Variants in CDK15 observed in about 807,000 individuals in gnomAD.
The protein encoded by CDK15 is cyclin dependent kinase 15.
CDK15 carries 62 observed loss-of-function variants against 60.3 expected under a neutral mutation model. The ratio of observed to expected loss-of-function variants is 1.03; its 90% CI spans 0.84 to 1.27. CDK15 has a LOEUF of 1.27. Ranked by LOEUF, CDK15 falls within the 50% of genes most tolerant of loss-of-function variation. The pLI is 0.00. For synonymous variants in CDK15, 194 were observed against 195.7 expected, an observed-to-expected ratio of 0.99 and a Z score of 0.07; for missense variants, 541 against 527.8, an observed-to-expected ratio of 1.03 and a Z score of -0.25.
chr2:201,813,586 T>C (rs1695866569), intron 4 of CDK15, among the ~76,000 whole-genome samples: 1 of 152,208 alleles, frequency 6.6e-6, no homozygotes, highest in Admixed American at 6.5e-5. Flanking sequence ...CTTTGTTCTA[T>C]CATTTGCAGT....
intron 4 of CDK15, among the ~76,000 whole-genome samples, chr2:201,818,392 G>C (rs56023043): frequency 0.078 from 11,810 of 152,210 alleles, 800 homozygotes; most frequent in African/African-American, 0.18. Flanking sequence ...TAAAAAAACA[G>C]TATTTTATGA....
chr2:201,806,823 T>C (rs377760843), intron 1 of CDK15, 36 bp downstream of exon 1: 191 of 1,594,700 alleles, frequency 1.2e-4, no homozygotes, highest in Non-Finnish European at 1.5e-4. Context: ...CTTTCTCTAT[T>C]GATAAACCAA....
At chr2:201,807,683 T>C in intron 2 of CDK15, 40 bp downstream of exon 2, 1 of 1,611,648 alleles carries the variant, frequency 6.2e-7, no homozygotes, top group Non-Finnish European at 8.5e-7. Context: ...GAATTTAATG[T>C]GAGCTTGTCT....
chr2:201,888,714 G>GTCTC, intron 12 of CDK15: 11 of 1,265,262 alleles, frequency 8.7e-6, no homozygotes, highest in Non-Finnish European at 1.1e-5. Context: ...GCCAGATAGT[G>GTCTC]TCTCTCTCTC....
chr2:201,819,064 A>G (rs929379744), intron 4 of CDK15, among the ~76,000 whole-genome samples: 1 of 152,194 alleles, frequency 6.6e-6, no homozygotes, highest in African/African-American at 2.4e-5. Context: ...ATAAAATGTC[A>G]GATGGTGGTG....
chr2:201,816,298 T>A (rs1289343622), intron 4 of CDK15, among the ~76,000 whole-genome samples: 1 of 152,006 alleles, frequency 6.6e-6, no homozygotes, highest in African/African-American at 2.4e-5. Flanking sequence ...CCTGGTGTAG[T>A]GTCTATTATT....
intron 11 of CDK15, among the ~76,000 whole-genome samples, chr2:201,878,103 T>C (rs918584290): frequency 3.9e-5 from 6 of 152,240 alleles, no homozygotes; most frequent in Admixed American, 2.6e-4. Context: ...TAATTCTGAA[T>C]GTCAGACATC....
At chr2:201,828,167 C>T (rs543647259) in intron 6 of CDK15, among the ~76,000 whole-genome samples, 18 of 152,242 alleles carry the variant, frequency 1.2e-4, no homozygotes, top group Middle Eastern at 3.4e-3. Flanking sequence ...CTGTTTCAGA[C>T]GTGTTGAGGT....
chr2:201,812,173 C>CA (rs56808760), intron 3 of CDK15, among the ~76,000 whole-genome samples: 5,219 of 96,470 alleles, frequency 0.054, 155 homozygotes, highest in Non-Finnish European at 0.077. Context: ...GATTCTGTCT[C>CA]AAAAAAAAAA....
At chr2:201,883,419 T>C (rs1221948340) in intron 12 of CDK15, among the ~76,000 whole-genome samples, 1 of 152,222 alleles carries the variant, frequency 6.6e-6, no homozygotes, top group Non-Finnish European at 1.5e-5. Flanking sequence ...TCTATTTTCA[T>C]GACGCTGAGA....
At chr2:201,835,954 A>T (rs181767776) in intron 8 of CDK15, among the ~76,000 whole-genome samples, 191 bp downstream of exon 8, 22,945 of 114,942 alleles carry the variant, frequency 0.2, 2,427 homozygotes, top group East Asian at 0.43. Context: ...ATTTATATAT[A>T]TTTGTATATA....
chr2:201,821,195 C>A (rs1033185617), intron 4 of CDK15, among the ~76,000 whole-genome samples: 5 of 152,088 alleles, frequency 3.3e-5, no homozygotes, highest in Admixed American at 3.3e-4. Context: ...TCTAATGGCA[C>A]CAGCAAAACA....
At position 201,857,088 on chromosome 2, in the gene CDK15, C is replaced by T. The variant is rs374747341; in HGVS notation, c.1009+2151C>T. ...AATACAAAAAAAAATTAGCCGGGCG[C>T]GGTGGCGGGCGCCTGTAGTCCCAGC... is the stretch of plus-strand genomic sequence containing the variant. On this transcript the variant is annotated intron_variant, in intron 10 of 13. Transcript: ENST00000652192. 7.4e-5 allele frequency among the ~76,000 whole-genome samples: 6 copies of T among 80,660 alleles called. 1 individual carries two copies. Among genetic ancestry groups the T allele is most frequent in the Non-Finnish European group, 1.1e-4 (5 of 45,034 alleles). The allele number at this position is 80,660 out of a possible 152,430, so 52.9% of individuals were successfully genotyped here.
intron 6 of CDK15, among the ~76,000 whole-genome samples, chr2:201,825,182 C>T (rs1206810642): frequency 5.3e-5 from 8 of 151,722 alleles, no homozygotes; most frequent in African/African-American, 7.3e-5. Flanking sequence ...GGTGTGGTGG[C>T]GCACACCTGT....
At chr2:201,889,459 G>A in intron 12 of CDK15, 2 of 960,634 alleles carry the variant, frequency 2.1e-6, no homozygotes, top group Non-Finnish European at 2.5e-6. Context: ...CTAACACAAG[G>A]TGTTTTGCAT....
At chr2:201,840,652 T>C (rs190657250) in intron 8 of CDK15, among the ~76,000 whole-genome samples, 2 of 152,348 alleles carry the variant, frequency 1.3e-5, no homozygotes, top group South Asian at 2.1e-4. Context: ...GGTGGTTTTG[T>C]TGGGGATGTG....
rs1262940691 is a variant in CDK15, at chr2:201,865,889, C to CAAAAAAAA, written c.1010-6387_1010-6386insAAAAAAAA. ...TGGGCGACAGAGCAAGATTCCATCT[C>CAAAAAAAA]AACAAAAAAAAAAAAAAAAAAAAAA... is the stretch of plus-strand genomic sequence containing the variant. On this transcript the variant is annotated intron_variant, in intron 10 of 13. Coordinates refer to ENST00000652192, the MANE Select transcript of CDK15 (RefSeq NM_001366386.2). Among the ~76,000 whole-genome samples the CAAAAAAAA allele has an allele frequency of 1.6e-3, 40 of 24,798 alleles. 4 individuals carry two copies. The highest frequency in any genetic ancestry group is 4.8e-3 in the African/African-American group (36 of 7,572). 16.3% of individuals were successfully genotyped at this position (24,798 alleles called of 152,430 possible).
At chr2:201,815,064 G>C (rs140513789) in intron 4 of CDK15, among the ~76,000 whole-genome samples, 2,259 of 151,036 alleles carry the variant, frequency 0.015, 25 homozygotes, top group Non-Finnish European at 0.025. Flanking sequence ...CAATTCTCCT[G>C]CCTCAGCCTC....
intron 10 of CDK15, among the ~76,000 whole-genome samples, chr2:201,862,173 A>G (rs1004156171): frequency 6.6e-6 from 1 of 152,204 alleles, no homozygotes; most frequent in East Asian, 1.9e-4. Context: ...GACTGCAGTA[A>G]TATGTCTGCC....
Sources: allele counts gnomAD v4.1 joint callset (sites outside exome capture counted in the v4.1 genomes callset), GRCh38; gene constraint gnomAD v4.1.1; transcripts MANE v1.5; gene names NCBI Gene and HGNC (gene_info 2026-07-23, HGNC 2026-07-21).